The following CDH13 variants were observed in gnomAD, a reference collection of about 807,000 sequenced individuals.
CDH13 encodes the protein cadherin-13.
In CDH13, 24 loss-of-function variants were observed where a neutral mutation model predicts 63.8. That is an observed-to-expected ratio of 0.38 (90% CI 0.27 to 0.53). The LOEUF (loss-of-function observed/expected upper bound fraction) is 0.53, where lower values mean the gene tolerates loss of function less well. Among genes scored for constraint, CDH13 ranks in the 20% least tolerant of loss-of-function variants. The pLI, the probability that CDH13 is intolerant of heterozygous loss-of-function variation, is 0.85. For synonymous variants in CDH13, 503 were observed against 355.3 expected (o/e 1.42, Z -4.67); for missense variants, 1,049 against 903.1 (o/e 1.16, Z -2.07).
At chr16:82,951,956 C>G (rs1555547393) in intron 2 of CDH13, among the ~76,000 whole-genome samples, 1 of 152,190 alleles carries the variant, frequency 6.6e-6, no homozygotes, top group Non-Finnish European at 1.5e-5. Flanking sequence ...GCAAGGTTTA[C>G]AAGACTCCCT....
chr16:82,875,704 GC>G (rs1277720970), intron 2 of CDH13, among the ~76,000 whole-genome samples: 1 of 152,128 alleles, frequency 6.6e-6, no homozygotes, highest in African/African-American at 2.4e-5. Context: ...TCTCAACAAT[GC>G]AAAAGGGGAC....
chr16:83,626,418 C>T (rs1567464438), intron 8 of CDH13, among the ~76,000 whole-genome samples: 1 of 152,144 alleles, frequency 6.6e-6, no homozygotes, highest in Admixed American at 6.5e-5. Flanking sequence ...GTAGTTGGCG[C>T]TCAGGTCATT....
intron 6 of CDH13, among the ~76,000 whole-genome samples, chr16:83,470,896 C>G (rs1240062206): frequency 6.6e-6 from 1 of 152,184 alleles, no homozygotes; most frequent in African/African-American, 2.4e-5. Flanking sequence ...GGGTTAAAGT[C>G]AAGGTGTAGG....
chr16:83,462,151 A>G (rs1476995718), intron 6 of CDH13, among the ~76,000 whole-genome samples: 1 of 152,240 alleles, frequency 6.6e-6, no homozygotes, highest in Non-Finnish European at 1.5e-5. Context: ...TGTCACTTCT[A>G]CATCTGCCTT....
intron 6 of CDH13, among the ~76,000 whole-genome samples, chr16:83,376,228 G>A (rs2151408026): frequency 6.6e-6 from 1 of 152,192 alleles, no homozygotes; most frequent in South Asian, 2.1e-4. Context: ...AAAGTTTTAG[G>A]TATGCCTCTG....
At chr16:82,831,793 G>C (rs1218347211) in intron 1 of CDH13, among the ~76,000 whole-genome samples, 1 of 152,074 alleles carries the variant, frequency 6.6e-6, no homozygotes, top group Admixed American at 6.6e-5. Context: ...CAAATGACTT[G>C]GCCCCTTTGG....
Position 83,014,754 on chromosome 16 carries a change from A to G in CDH13, c.158-17256A>G, listed in dbSNP as rs1273713633. On this transcript the variant is annotated intron_variant, in intron 2 of 13. Coordinates refer to ENST00000567109, the MANE Select transcript of CDH13 (RefSeq NM_001257.5). Reference sequence around the variant, plus strand: ...TAAAAAAAAAAAAAAATATATATATATATATATATATATATATATATGTAT... The same window carrying G: ...TAAAAAAAAAAAAAAATATATATATGTATATATATATATATATATATGTAT... 2.1e-4 allele frequency among the ~76,000 whole-genome samples: 9 copies of G among 43,402 alleles called. 1 individual carries two copies. The highest frequency in any genetic ancestry group is 6.1e-4 in the Admixed American group (2 of 3,292). The allele number at this position is 43,402 out of a possible 152,430, so 28.5% of individuals were successfully genotyped here. A position where few individuals can be genotyped will look rare whatever the true frequency, so the allele number is the denominator to read the frequency against.
chr16:83,089,560 T>C (rs1329800549), intron 3 of CDH13, among the ~76,000 whole-genome samples: 1 of 152,234 alleles, frequency 6.6e-6, no homozygotes, highest in Non-Finnish European at 1.5e-5. Flanking sequence ...GTTTCAGCAA[T>C]GAACCCCAGG....
At chr16:83,518,718 G>C (rs565617723) in intron 7 of CDH13, among the ~76,000 whole-genome samples, 1 of 151,854 alleles carries the variant, frequency 6.6e-6, no homozygotes, top group East Asian at 1.9e-4. Context: ...TGATCTGCCC[G>C]CCTCAGCCTC....
chr16:83,095,451 A>G (rs7191532), intron 3 of CDH13, among the ~76,000 whole-genome samples: 61,086 of 152,150 alleles, frequency 0.4, 13,062 homozygotes, highest in Middle Eastern at 0.59. Context: ...CCCAAATGGG[A>G]TGAATCATAC....
chr16:83,776,157 A>G (rs1915097373), intron 11 of CDH13, among the ~76,000 whole-genome samples: 1 of 152,198 alleles, frequency 6.6e-6, no homozygotes, highest in African/African-American at 2.4e-5. Context: ...ACACATAGGA[A>G]ATTGAAGACA....
At chr16:83,015,724 A>ATAG (rs1555562946) in intron 2 of CDH13, among the ~76,000 whole-genome samples, 8 of 49,122 alleles carry the variant, frequency 1.6e-4, no homozygotes, top group East Asian at 8.0e-4. Context: ...TATATATATA[A>ATAG]AGAAAAAGCA....
In CDH13 at chr16:83,047,144, C is replaced by G. The variant is rs73596230; in HGVS notation, c.366+14926C>G. ...TATAAAGCTTTAAACAGTAGTAGTT[C>G]TCCGTGAGACCCAAGGAAAGGTCTG... On this transcript the variant is annotated intron_variant, in intron 3 of 13. Transcript: ENST00000567109. This position sits in a 1 kb window ranked among gnomAD's most constrained non-coding sequence, Gnocchi z 4.9. Among the ~76,000 whole-genome samples the G allele has an allele frequency of 0.024, 3,660 of 152,256 alleles. 131 individuals are homozygous for G. Among genetic ancestry groups the G allele is most frequent in the African/African-American group, 0.083 (3,431 of 41,508 alleles).
intron 2 of CDH13, among the ~76,000 whole-genome samples, chr16:82,926,876 T>C (rs1205328354): frequency 6.6e-6 from 1 of 152,244 alleles, no homozygotes; most frequent in Non-Finnish European, 1.5e-5. Context: ...TGTCCGGTTA[T>C]AATTGTATAA....
intron 8 of CDH13, among the ~76,000 whole-genome samples, chr16:83,666,432 AT>A (rs1041922789): frequency 1.3e-5 from 2 of 152,210 alleles, no homozygotes; most frequent in African/African-American, 4.8e-5. Context: ...TGTTTTCCAT[AT>A]TTAAAGATTT....
At chr16:82,641,709 C>G (rs1909420323) in intron 1 of CDH13, among the ~76,000 whole-genome samples, 1 of 152,218 alleles carries the variant, frequency 6.6e-6, no homozygotes, top group Non-Finnish European at 1.5e-5. Context: ...CTCATTCACG[C>G]ATTCAGTCAT....
chr16:82,685,938 C>T (rs548714320), intron 1 of CDH13, among the ~76,000 whole-genome samples: 1 of 152,132 alleles, frequency 6.6e-6, no homozygotes, highest in Non-Finnish European at 1.5e-5. Flanking sequence ...TATCATGGTT[C>T]CTCTAGTGGT....
chr16:83,010,135 C>CAAAAAAAAAAAAAAAAAAA (rs67985333), intron 2 of CDH13, among the ~76,000 whole-genome samples: 18 of 50,100 alleles, frequency 3.6e-4, no homozygotes, highest in Middle Eastern at 0.012. Flanking sequence ...AACTCTGTCT[C>CAAAAAAAAAAAAAAAAAAA]AAAAAAAAAA....
intron 3 of CDH13, among the ~76,000 whole-genome samples, chr16:83,112,036 A>G (rs2035081596): frequency 6.6e-6 from 1 of 152,216 alleles, no homozygotes. Context: ...TGGAGAAAAA[A>G]GTTTCCAGAG....
Sources: gnomAD v4.1 joint callset for allele counts (sites outside exome capture counted in the v4.1 genomes callset) on GRCh38, gnomAD v4.1.1 for gene constraint, Gnocchi (gnomAD v3.1) non-coding constraint, MANE v1.5 for transcripts, NCBI Gene and HGNC (gene_info 2026-07-23, HGNC 2026-07-21) for gene names.